Variants in FEZ2 observed in about 807,000 individuals in gnomAD.
The protein encoded by FEZ2 is fasciculation and elongation protein zeta-2.
In FEZ2, 51 loss-of-function variants were observed where a neutral mutation model predicts 40.4. The observed-to-expected ratio is 1.26, with a 90% confidence interval of 1.01 to 1.59. The LOEUF (loss-of-function observed/expected upper bound fraction) is 1.59, where lower values mean the gene tolerates loss of function less well. Among genes scored for constraint, FEZ2 ranks in the 40% most tolerant of loss-of-function variants. The probability of loss-of-function intolerance (pLI) is 0.00; values close to 1 mark genes in which losing one functional copy is unlikely to be tolerated. For synonymous variants in FEZ2, 242 were observed against 172.0 expected, an observed-to-expected ratio of 1.41 and a Z score of -3.18; for missense variants, 640 against 438.3, an observed-to-expected ratio of 1.46 and a Z score of -4.11.
At chr2:36,591,128 C>G (rs1669060525) in intron 1 of FEZ2, 117 bp from the exon 2 acceptor site, 1 of 675,618 alleles carries the variant, frequency 1.5e-6, no homozygotes, top group Non-Finnish European at 2.6e-6. Context: ...AAACAGACAG[C>G]ACATTGTTTC....
At chr2:36,579,852 T>TA (rs538685987) in intron 4 of FEZ2, among the ~76,000 whole-genome samples, 1 of 152,218 alleles carries the variant, frequency 6.6e-6, no homozygotes, top group Non-Finnish European at 1.5e-5. Flanking sequence ...AGGACACTGT[T>TA]AAAGTCCCAA....
intron 5 of FEZ2, among the ~76,000 whole-genome samples, chr2:36,576,956 G>T (rs1475388620): frequency 6.6e-6 from 1 of 152,160 alleles, no homozygotes; most frequent in Non-Finnish European, 1.5e-5. Flanking sequence ...AAGCAAATAG[G>T]CAGAAATTAC....
At chr2:36,558,940 ATAAT>A (rs1668025372) in intron 5 of FEZ2, 1 of 152,588 alleles carries the variant, frequency 6.6e-6, no homozygotes, top group Non-Finnish European at 1.5e-5. Flanking sequence ...CAACAGCAAA[ATAAT>A]TCTGTTTCAG....
At chr2:36,579,085 CT>C (rs1668661602) in intron 4 of FEZ2, 2 of 465,306 alleles carry the variant, frequency 4.3e-6, no homozygotes, top group African/African-American at 2.0e-5. Context: ...AGGTGAGTCA[CT>C]TCTCAGCTTG....
At chr2:36,587,965 G>C (rs1338621632) in intron 2 of FEZ2, among the ~76,000 whole-genome samples, 1 of 152,086 alleles carries the variant, frequency 6.6e-6, no homozygotes, top group Non-Finnish European at 1.5e-5. Context: ...TGTCACAACA[G>C]AGAGATGATA....
intron 5 of FEZ2, among the ~76,000 whole-genome samples, chr2:36,560,431 T>G (rs1472443168): frequency 6.6e-6 from 1 of 152,238 alleles, no homozygotes; most frequent in African/African-American, 2.4e-5. Flanking sequence ...CTTAGACTTT[T>G]AGAATTAGAG....
intron 1 of FEZ2, among the ~76,000 whole-genome samples, chr2:36,592,485 A>C (rs1482935432): frequency 6.6e-6 from 1 of 152,170 alleles, no homozygotes; most frequent in Non-Finnish European, 1.5e-5. Flanking sequence ...CTAAAAGCAT[A>C]ACATCCCAAA....
At chr2:36,597,663 G>T (rs1482512127) in intron 1 of FEZ2, among the ~76,000 whole-genome samples, 1 of 152,222 alleles carries the variant, frequency 6.6e-6, no homozygotes, top group Non-Finnish European at 1.5e-5. Context: ...GAGGTACCGA[G>T]GCGGAGGTTT....
chr2:36,589,832 T>C (rs535339759), intron 2 of FEZ2: 7 of 152,182 alleles, frequency 4.6e-5, no homozygotes, highest in Non-Finnish European at 8.8e-5. Context: ...AACAATACTA[T>C]GTAAAATAGT....
At chr2:36,557,810 G>T (rs1020699706) in intron 6 of FEZ2, 1 of 152,070 alleles carries the variant, frequency 6.6e-6, no homozygotes, top group South Asian at 2.1e-4. Context: ...GCCATCATAA[G>T]AGATACTCAA....
At chr2:36,571,312 C>T (rs848628) in intron 5 of FEZ2, among the ~76,000 whole-genome samples, 14,551 of 152,188 alleles carry the variant, frequency 0.096, 1,493 homozygotes, top group African/African-American at 0.21. Flanking sequence ...CAGCAAGATA[C>T]TATCAAATAT....
chr2:36,555,132 G>A (rs1361266673), intron 7 of FEZ2, among the ~76,000 whole-genome samples: 2 of 152,074 alleles, frequency 1.3e-5, no homozygotes, highest in East Asian at 1.9e-4. Flanking sequence ...CCCTGTGTGA[G>A]CCTCACCTTG....
At chr2:36,575,226 C>T (rs994638793) in intron 5 of FEZ2, among the ~76,000 whole-genome samples, 1 of 152,120 alleles carries the variant, frequency 6.6e-6, no homozygotes, top group Admixed American at 6.6e-5. Flanking sequence ...GAGACAAGGT[C>T]GGGCTGTAAG....
At chr2:36,553,752 A>G (rs1004694700) in intron 7 of FEZ2, among the ~76,000 whole-genome samples, 7 of 152,114 alleles carry the variant, frequency 4.6e-5, no homozygotes, top group Non-Finnish European at 1.0e-4. Context: ...TTTGCATTAA[A>G]ACTAAGTGGT....
intron 2 of FEZ2, 104 bp downstream of exon 2, chr2:36,590,799 A>G (rs973744761): frequency 9.7e-6 from 7 of 719,756 alleles, no homozygotes; most frequent in Non-Finnish European, 2.4e-6. Flanking sequence ...AATTTCAGAA[A>G]TGAGAGGCAG....
At chr2:36,578,262 A>C (rs1389795332) in intron 5 of FEZ2, among the ~76,000 whole-genome samples, 1 of 152,232 alleles carries the variant, frequency 6.6e-6, no homozygotes, top group Admixed American at 6.5e-5. Flanking sequence ...AATATACATA[A>C]CCACTCTTCA....
chr2:36,583,744 C>T (rs985173947), intron 2 of FEZ2, among the ~76,000 whole-genome samples: 1 of 152,128 alleles, frequency 6.6e-6, no homozygotes, highest in South Asian at 2.1e-4. Context: ...TATTCATTAG[C>T]AAGTCATAGG....
intron 5 of FEZ2, among the ~76,000 whole-genome samples, chr2:36,560,266 G>T (rs962341587): frequency 1.3e-5 from 2 of 152,182 alleles, no homozygotes; most frequent in African/African-American, 4.8e-5. Flanking sequence ...TCGTTTGGCA[G>T]ACAACTGAGT....
At chr2:36,578,391 T>C (rs1668636176) in intron 5 of FEZ2, among the ~76,000 whole-genome samples, 1 of 152,244 alleles carries the variant, frequency 6.6e-6, no homozygotes, top group African/African-American at 2.4e-5. Context: ...ATTATTCAGA[T>C]AACCAGTACA....
Sources: gnomAD v4.1 joint callset for allele counts (sites outside exome capture counted in the v4.1 genomes callset) on GRCh38, gnomAD v4.1.1 for gene constraint, MANE v1.5 for transcripts, NCBI Gene and HGNC (gene_info 2026-07-23, HGNC 2026-07-21) for gene names.